DNMBP: variants seen among roughly 807,000 people sequenced by gnomAD.
DNMBP encodes the protein dynamin-binding protein.
In DNMBP, 87 loss-of-function variants were observed where a neutral mutation model predicts 150.0. That is an observed-to-expected ratio of 0.58 (90% CI 0.49 to 0.69). The LOEUF is 0.69. Among genes scored for constraint, DNMBP ranks in the 30% least tolerant of loss-of-function variants. The pLI is 0.00. For missense variants in DNMBP, 1,774 were observed against 1,949.0 expected, an observed-to-expected ratio of 0.91 and a Z score of 1.69; for synonymous variants, 711 against 750.4, an observed-to-expected ratio of 0.95 and a Z score of 0.86.
In DNMBP at chr10:99,886,520, T is replaced by C; in HGVS notation, c.3398A>G (p.Asn1133Ser). The change falls in exon 13 of 17, where the codon AAC becomes AGC. Residue 1133 changes from asparagine to serine, a missense_variant. Coordinates refer to ENST00000324109, the MANE Select transcript of DNMBP (RefSeq NM_015221.4). ...KRFDKLLDFY[N>S]CTERAEKLKD... Reference sequence around the variant, plus strand: ...TAGCTTTTCTGCCCGTTCTGTACAGTTATAGAAGTCCAGGAGCTTGTCAAA... The same window carrying C: ...TAGCTTTTCTGCCCGTTCTGTACAGCTATAGAAGTCCAGGAGCTTGTCAAA... 6.2e-7 allele frequency: 1 copy of C among 1,614,124 alleles called. No homozygotes were observed. The highest frequency in any genetic ancestry group is 1.3e-5 in the African/African-American group (1 of 75,042).
intron 3 of DNMBP, among the ~76,000 whole-genome samples, chr10:99,966,348 C>G (rs1339063058): frequency 6.6e-6 from 1 of 152,196 alleles, no homozygotes; most frequent in East Asian, 1.9e-4. Flanking sequence ...CTTTGGATTC[C>G]ACTTACATCT....
intron 1 of DNMBP, among the ~76,000 whole-genome samples, chr10:99,979,278 A>G (rs2040760398): frequency 6.6e-6 from 1 of 152,150 alleles, no homozygotes; most frequent in Non-Finnish European, 1.5e-5. Context: ...TTCAACTCCT[A>G]TCACCAAGTA....
chr10:99,922,514 T>G (rs1231048571), intron 4 of DNMBP, among the ~76,000 whole-genome samples: 2 of 100,482 alleles, frequency 2.0e-5, no homozygotes, highest in African/African-American at 8.1e-5. Flanking sequence ...TTTTTTTTTT[T>G]TTTTTTTTTT....
chr10:99,915,678 GCA>G (rs2133258204), intron 4 of DNMBP, among the ~76,000 whole-genome samples: 1 of 152,254 alleles, frequency 6.6e-6, no homozygotes, highest in Admixed American at 6.5e-5. Context: ...TAGCTCCACT[GCA>G]CACCAGCCTG....
intron 1 of DNMBP, among the ~76,000 whole-genome samples, chr10:99,990,610 TAAA>T (rs34272087): frequency 9.6e-6 from 1 of 104,222 alleles, no homozygotes. Flanking sequence ...AATTAATGAA[TAAA>T]AAAAAAAAAA....
intron 11 of DNMBP, 169 bp from the exon 12 acceptor site, chr10:99,889,122 CT>C: frequency 1.4e-6 from 1 of 695,134 alleles, no homozygotes; most frequent in South Asian, 2.1e-5. Context: ...TAAACTATGA[CT>C]TACGGGGCAC....
intron 4 of DNMBP, among the ~76,000 whole-genome samples, chr10:99,909,557 A>C (rs980141934): frequency 1.3e-5 from 2 of 152,230 alleles, no homozygotes; most frequent in African/African-American, 4.8e-5. Flanking sequence ...GTAGCACATT[A>C]AACAGAATAT....
At chr10:99,882,385 C>A (rs930411538) in intron 15 of DNMBP, among the ~76,000 whole-genome samples, 4 of 152,128 alleles carry the variant, frequency 2.6e-5, no homozygotes, top group African/African-American at 9.7e-5. Context: ...AAAGAAATGA[C>A]AAGTTTATAG....
intron 6 of DNMBP, among the ~76,000 whole-genome samples, chr10:99,905,594 G>T (rs978348829): frequency 6.6e-6 from 1 of 152,008 alleles, no homozygotes; most frequent in African/African-American, 2.4e-5. Context: ...GGCTGAGGTG[G>T]GAGGATCACT....
chr10:99,976,820 CT>C (rs1429599682), intron 1 of DNMBP, among the ~76,000 whole-genome samples: 1 of 151,574 alleles, frequency 6.6e-6, no homozygotes, highest in Non-Finnish European at 1.5e-5. Flanking sequence ...GTCCTGCAAA[CT>C]TCTTAGCCAT....
intron 4 of DNMBP, among the ~76,000 whole-genome samples, chr10:99,916,252 G>A (rs2039963770): frequency 6.6e-6 from 1 of 152,178 alleles, no homozygotes; most frequent in Non-Finnish European, 1.5e-5. Flanking sequence ...CACCTGAGGT[G>A]AGGAGTTTGA....
At chr10:99,933,846 C>T (rs12257370) in intron 4 of DNMBP, among the ~76,000 whole-genome samples, 8,464 of 152,296 alleles carry the variant, frequency 0.056, 318 homozygotes, top group African/African-American at 0.1. Context: ...ACACCATTCT[C>T]CTGCCTCAGC....
At chr10:100,006,886 G>A (rs953578786) in intron 1 of DNMBP, among the ~76,000 whole-genome samples, 24 of 152,164 alleles carry the variant, frequency 1.6e-4, no homozygotes, top group Non-Finnish European at 2.9e-5. Flanking sequence ...GGCCAAGGTG[G>A]GTGGATCGCT....
intron 6 of DNMBP, 103 bp from the exon 7 acceptor site, chr10:99,900,169 T>A: frequency 8.7e-7 from 1 of 1,143,776 alleles, no homozygotes; most frequent in Non-Finnish European, 1.3e-6. Flanking sequence ...AAATCCTACC[T>A]ATTACAAGAA....
intron 4 of DNMBP, chr10:99,927,068 A>G (rs1393596422): frequency 6.6e-6 from 1 of 152,426 alleles, no homozygotes; most frequent in African/African-American, 2.4e-5. Context: ...GAGAAAGGAA[A>G]GCCTGGGGGA....
At chr10:99,902,281 T>C (rs1482471530) in intron 6 of DNMBP, among the ~76,000 whole-genome samples, 1 of 151,078 alleles carries the variant, frequency 6.6e-6, no homozygotes, top group Non-Finnish European at 1.5e-5. Flanking sequence ...CACACTGCCC[T>C]TTCTCACTGG....
intron 1 of DNMBP, among the ~76,000 whole-genome samples, chr10:100,006,138 AG>A (rs1187061477): frequency 6.6e-6 from 1 of 152,230 alleles, no homozygotes; most frequent in Non-Finnish European, 1.5e-5. Flanking sequence ...GGGAAAATTC[AG>A]GGATCAGCAA....
At chr10:99,949,362 A>C (rs1228020082) in intron 4 of DNMBP, among the ~76,000 whole-genome samples, 1 of 152,236 alleles carries the variant, frequency 6.6e-6, no homozygotes, top group African/African-American at 2.4e-5. Context: ...TCAGAATTAG[A>C]TAAATGTTAT....
intron 3 of DNMBP, among the ~76,000 whole-genome samples, chr10:99,964,950 T>C (rs966557332): frequency 6.6e-6 from 1 of 151,458 alleles, no homozygotes; most frequent in Non-Finnish European, 1.5e-5. Flanking sequence ...TTACATAGCT[T>C]CAGGAAAAGG....
Sources: gnomAD v4.1 joint callset for allele counts (sites outside exome capture counted in the v4.1 genomes callset) on GRCh38, gnomAD v4.1.1 for gene constraint, MANE v1.5 for transcripts, NCBI Gene and HGNC (gene_info 2026-07-23, HGNC 2026-07-21) for gene names.